IQGAP3: variants seen among roughly 807,000 people sequenced by gnomAD.
IQGAP3 encodes the protein ras GTPase-activating-like protein IQGAP3.
IQGAP3 carries 165 observed loss-of-function variants against 208.2 expected under a neutral mutation model. The observed-to-expected ratio is 0.79, with a 90% CI of 0.70 to 0.90. The LOEUF is 0.90. Ranked by LOEUF, IQGAP3 falls within the 40% of genes least tolerant of loss-of-function variation. The pLI is 0.00. For synonymous variants in IQGAP3, 703 were observed against 803.6 expected (o/e 0.87, Z 2.12); for missense variants, 1,811 against 2,043.1 (o/e 0.89, Z 2.19).
chr1:156,556,934 C>CATGGCAGAGGG (rs1465107196), intron 11 of IQGAP3, among the ~76,000 whole-genome samples: 1 of 1,296 alleles, frequency 7.7e-4, no homozygotes, highest in Admixed American at 0.031. Flanking sequence ...AGCTCAGCCT[C>CATGGCAGAGGG]TGCCCCGCCG....
intron 9 of IQGAP3, 59 bp from the exon 10 acceptor site, chr1:156,562,060 A>T: frequency 6.8e-7 from 1 of 1,461,412 alleles, no homozygotes; most frequent in South Asian, 1.3e-5. Flanking sequence ...ATAATCCCCT[A>T]GTCCAGCCCT....
chr1:156,545,076 C>T (rs1166217589), intron 19 of IQGAP3, among the ~76,000 whole-genome samples: 2 of 150,708 alleles, frequency 1.3e-5, no homozygotes, highest in Non-Finnish European at 3.0e-5. Flanking sequence ...GCTCCTGACC[C>T]TAGTTCTCAG....
At chr1:156,531,083 G>C (rs1423648578) in intron 33 of IQGAP3, 77 bp downstream of exon 33, 2 of 1,023,744 alleles carry the variant, frequency 2.0e-6, no homozygotes, top group Non-Finnish European at 3.1e-6. Flanking sequence ...GTTCAGAGGA[G>C]GGAAACAGCA....
intron 27 of IQGAP3, among the ~76,000 whole-genome samples, chr1:156,535,798 G>C (rs1011001832): frequency 2.0e-5 from 3 of 152,190 alleles, no homozygotes; most frequent in Admixed American, 1.3e-4. Context: ...CCACCAACCA[G>C]AGATATTATC....
chr1:156,535,175 G>A lies in IQGAP3; in HGVS notation c.3495C>T (p.Ser1165=), dbSNP rs368841476. 189 of 1,612,870 alleles carry A rather than the reference G, an allele frequency of 1.2e-4. No individual in the cohort carries two copies. In the South Asian group the frequency reaches 1.7e-3, roughly 15 times the overall value. ...LAEKFPDATD[S]EVYKVVGNLL... is the part of the protein sequence containing the mutation. ...AGACAACACTTGCCTTATAGACCTCGCTGTCTGTGGCGTCAGGGAATTTCT... is the reference window on the plus strand; with the variant it reads ...AGACAACACTTGCCTTATAGACCTCACTGTCTGTGGCGTCAGGGAATTTCT... The change falls in exon 28 of 38, where the codon AGC becomes AGT. Residue 1165 remains serine (S), a synonymous_variant. Transcript: ENST00000361170.
In IQGAP3 at chr1:156,551,772, T is replaced by C; in HGVS notation, c.1667A>G (p.Asp556Gly). 6.2e-7 allele frequency: 1 copy of C among 1,613,966 alleles called. No individual in the cohort carries two copies. The highest frequency in any genetic ancestry group is 8.5e-7 in the Non-Finnish European group (1 of 1,179,984). ...CCGAGGGGCGACAGGGAGGCTGACATCATCTAGGCCAGCTGCAGGAAGCAG... is the reference window on the plus strand; with the variant it reads ...CCGAGGGGCGACAGGGAGGCTGACACCATCTAGGCCAGCTGCAGGAAGCAG... ...ALLLPAAGLD[D>G]VSLPVAPRYH... Residue 556 changes from aspartate (D) to glycine (G), a missense_variant, in exon 15 of 38, where the codon GAT becomes GGT. Asp to Gly is a moderately conservative substitution (Grantham distance 94, BLOSUM62 -1). Transcript: ENST00000361170.
intron 15 of IQGAP3, among the ~76,000 whole-genome samples, chr1:156,550,646 C>T (rs1043423860): frequency 6.6e-5 from 10 of 152,212 alleles, no homozygotes; most frequent in Admixed American, 4.6e-4. Context: ...CAGCATCCAC[C>T]ACCTTCTCAA....
intron 22 of IQGAP3, 84 bp from the exon 23 acceptor site, chr1:156,541,000 C>A: frequency 8.9e-7 from 1 of 1,117,536 alleles, no homozygotes. Flanking sequence ...CAGCCCACCC[C>A]AGTCCCCGTT....
At chr1:156,566,003 A>G (rs760250885) in intron 4 of IQGAP3, 24 bp downstream of exon 4, 2 of 1,574,944 alleles carry the variant, frequency 1.3e-6, no homozygotes, top group South Asian at 1.1e-5. Flanking sequence ...AAAGATGAAT[A>G]CCAATCTTCA....
rs1302405479 is a variant in IQGAP3, at chr1:156,572,468, C to T, written c.37+25G>A. ...CGACCAGCGGCACCACTGCGAGACC[C>T]TTCTCTGACCCTCTCCGCACTCACA... is the stretch of plus-strand genomic sequence containing the variant. On this transcript the variant is annotated intron_variant, in intron 1 of 37. Transcript: ENST00000361170. 5 of 1,607,630 alleles carry T rather than the reference C, an allele frequency of 3.1e-6. No homozygotes were observed. In the East Asian group the frequency reaches 8.9e-5, roughly 29 times the overall value.
At chr1:156,557,559 A>T (rs1310312841) in intron 11 of IQGAP3, among the ~76,000 whole-genome samples, 7 of 73,958 alleles carry the variant, frequency 9.5e-5, no homozygotes, top group East Asian at 1.7e-3. Flanking sequence ...TCCGGGAGGG[A>T]GGTGGGGGGG....
At chr1:156,560,375 G>T (rs1235381577) in intron 11 of IQGAP3, among the ~76,000 whole-genome samples, 1 of 152,096 alleles carries the variant, frequency 6.6e-6, no homozygotes, top group Non-Finnish European at 1.5e-5. Context: ...GTCTGCCATG[G>T]TGGCAGGTGC....
At chr1:156,569,320 G>A (rs983017053) in intron 2 of IQGAP3, 56 bp downstream of exon 2, 58 of 1,141,048 alleles carry the variant, frequency 5.1e-5, no homozygotes, top group Non-Finnish European at 7.3e-5. Context: ...AGATGCCTAG[G>A]GTGGGGTGGT....
Position 156,562,662 on chromosome 1 carries a change from C to T in IQGAP3, c.802G>A (p.Asp268Asn). 6.2e-7 allele frequency: 1 copy of T among 1,613,878 alleles called. No homozygotes were observed. The highest frequency in any genetic ancestry group is 8.5e-7 in the Non-Finnish European group (1 of 1,179,748). Residue 268 changes from aspartate (D) to asparagine (N), a missense_variant, in exon 9 of 38, where the codon GAC becomes AAC. By Grantham distance (23) the Asp-to-Asn change is conservative. Coordinates refer to ENST00000361170, the MANE Select transcript of IQGAP3 (RefSeq NM_178229.5). The stretch of plus-strand genomic sequence containing the variant: ...TCATAGATGTCCTGGCTTTCTCTGT[C>T]ATCCTGCAAAAACTCCATTGAAAGG... The part of the protein sequence containing the change: ...EKAANARNHD[D>N]RESQDIYDHY...
intron 19 of IQGAP3, among the ~76,000 whole-genome samples, chr1:156,547,426 GAC>G (rs1396978479): frequency 2.7e-3 from 197 of 73,506 alleles, no homozygotes; most frequent in African/African-American, 8.4e-3. Context: ...CACACACACA[GAC>G]ACACACACAT....
At chr1:156,529,211 A>T in intron 34 of IQGAP3, 129 bp from the exon 35 acceptor site, 2 of 1,013,768 alleles carry the variant, frequency 2.0e-6, no homozygotes, top group Non-Finnish European at 2.9e-6. Context: ...CTGTTTTCCT[A>T]GAAGGAAAAT....
chr1:156,539,760 C>G (rs1171570), intron 24 of IQGAP3, 78 bp downstream of exon 24: 1,523,987 of 1,527,842 alleles, frequency 1, 760,142 homozygotes, highest in East Asian at 1. Flanking sequence ...TGGTGCCAAA[C>G]GCACAGACAA....
chr1:156,540,958 T>C, intron 22 of IQGAP3, 42 bp from the exon 23 acceptor site: 1 of 1,524,138 alleles, frequency 6.6e-7, no homozygotes, highest in African/African-American at 1.4e-5. Context: ...CCATGCCTCA[T>C]CAGAGGCCTC....
At chr1:156,531,433 T>TTC (rs1674397964) in intron 32 of IQGAP3, among the ~76,000 whole-genome samples, 186 bp from the exon 33 acceptor site, 1 of 151,910 alleles carries the variant, frequency 6.6e-6, no homozygotes, top group Admixed American at 6.6e-5. Flanking sequence ...CTATCTGCCT[T>TTC]TGAGTCCTTC....
Sources: gnomAD v4.1 joint callset for allele counts (sites outside exome capture counted in the v4.1 genomes callset) on GRCh38, gnomAD v4.1.1 for gene constraint, MANE v1.5 for transcripts, NCBI Gene and HGNC (gene_info 2026-07-23, HGNC 2026-07-21) for gene names.